Variants in TEX14 observed in about 807,000 individuals in gnomAD.
The protein encoded by TEX14 is inactive serine/threonine-protein kinase TEX14.
A neutral mutation model predicts 178.6 loss-of-function variants in TEX14; 168 were observed. That is an observed-to-expected ratio of 0.94 (90% CI 0.83 to 1.07). TEX14 has a LOEUF of 1.07. Ranked by LOEUF, TEX14 falls within the 50% of genes least tolerant of loss-of-function variation. The pLI is 0.00. For missense variants in TEX14, 1,730 were observed against 1,753.6 expected (o/e 0.99, Z 0.24); for synonymous variants, 626 against 634.1 (o/e 0.99, Z 0.19).
intron 1 of TEX14, among the ~76,000 whole-genome samples, chr17:58,663,907 G>T (rs532567235): frequency 1.3e-5 from 2 of 152,326 alleles, no homozygotes; most frequent in South Asian, 4.1e-4. Context: ...GCCAGGGGCA[G>T]TGGCTCATGC....
intron 1 of TEX14, among the ~76,000 whole-genome samples, chr17:58,691,419 A>G (rs2047717621): frequency 6.6e-6 from 1 of 151,928 alleles, no homozygotes; most frequent in Admixed American, 6.6e-5. Context: ...CTGTACTCCC[A>G]GCATTTTGGG....
At chr17:58,583,938 G>A (rs182155874) in intron 19 of TEX14, among the ~76,000 whole-genome samples, 71 of 152,258 alleles carry the variant, frequency 4.7e-4, no homozygotes, top group Middle Eastern at 3.4e-3. Context: ...CCATGTCAAT[G>A]ACAATAAAAA....
chr17:58,661,524 C>G, intron 1 of TEX14: 1 of 778,456 alleles, frequency 1.3e-6, no homozygotes, highest in Admixed American at 1.7e-5. Context: ...TCGACTTCGT[C>G]CAGAAGCTGT....
At position 58,592,475 on chromosome 17, in the gene TEX14, T is replaced by C. The variant is rs931718072; in HGVS notation, c.2576+1080A>G. 1.6e-3 allele frequency among the ~76,000 whole-genome samples: 247 copies of C among 151,630 alleles called. 1 individual carries two copies. Among genetic ancestry groups the C allele is most frequent in the Non-Finnish European group, 3.8e-4 (26 of 67,868 alleles). ...TCAGCCTCCCGAGTAGCTGGGACTA[T>C]AGGCGCCCGCCACCACGCCCGGCTA... On this transcript the variant is annotated intron_variant, in intron 15 of 31. Coordinates refer to ENST00000349033, the MANE Select transcript of TEX14 (RefSeq NM_031272.5).
chr17:58,562,361 G>T (rs890567591), intron 28 of TEX14, among the ~76,000 whole-genome samples: 1 of 152,154 alleles, frequency 6.6e-6, no homozygotes, highest in African/African-American at 2.4e-5. Context: ...TTCCACTCTG[G>T]CTTGGTGCCT....
Position 58,605,149 on chromosome 17 carries a change from A to T in TEX14, c.1185-20T>A. ...TCCTCGCTACGGAAGGAAACTCACAAGTCAGCGCTCATGCCTTAAAGGGTC... is the reference window on the plus strand; with the variant it reads ...TCCTCGCTACGGAAGGAAACTCACATGTCAGCGCTCATGCCTTAAAGGGTC... On this transcript the variant is annotated intron_variant, in intron 10 of 31. Transcript: ENST00000349033. The T allele has an allele frequency of 6.2e-7, 1 of 1,611,980 alleles. No homozygotes were observed. The highest frequency in any genetic ancestry group is 8.5e-7 in the Non-Finnish European group (1 of 1,179,010).
intron 15 of TEX14, among the ~76,000 whole-genome samples, chr17:58,591,661 T>C (rs1192856878): frequency 3.3e-5 from 5 of 151,452 alleles, no homozygotes; most frequent in Admixed American, 2.6e-4. Flanking sequence ...AGTTTTTTTT[T>C]CCAGGAGAAC....
intron 1 of TEX14, among the ~76,000 whole-genome samples, chr17:58,676,207 C>G (rs577781754): frequency 1.3e-5 from 2 of 152,138 alleles, no homozygotes; most frequent in Non-Finnish European, 2.9e-5. Context: ...GAAACCCCAT[C>G]TCTACTAAAA....
intron 28 of TEX14, among the ~76,000 whole-genome samples, chr17:58,562,986 A>C (rs1598339820): frequency 1.3e-5 from 2 of 152,006 alleles, no homozygotes; most frequent in South Asian, 2.1e-4. Context: ...CAGGAGGATC[A>C]CTTGAGCCCA....
chr17:58,683,839 G>A (rs1446046097), intron 1 of TEX14, among the ~76,000 whole-genome samples: 2 of 151,688 alleles, frequency 1.3e-5, no homozygotes, highest in Non-Finnish European at 2.9e-5. Context: ...GGCTGAGGCG[G>A]GCGGATCACA....
At chr17:58,614,359 G>A (rs1450482584) in intron 8 of TEX14, among the ~76,000 whole-genome samples, 11 of 152,254 alleles carry the variant, frequency 7.2e-5, no homozygotes, top group African/African-American at 2.4e-4. Flanking sequence ...GTGTAGTGGC[G>A]CACGCCAGTA....
intron 6 of TEX14, among the ~76,000 whole-genome samples, chr17:58,617,147 C>T (rs999152518): frequency 2.0e-5 from 3 of 152,100 alleles, no homozygotes; most frequent in African/African-American, 7.2e-5. Flanking sequence ...ACTTGGAAGG[C>T]TGAGGCATCA....
chr17:58,650,984 A>C (rs1319057786), intron 2 of TEX14, among the ~76,000 whole-genome samples: 1 of 152,210 alleles, frequency 6.6e-6, no homozygotes, highest in African/African-American at 2.4e-5. Context: ...GCTTACACTG[A>C]AAATAGCAGG....
At chr17:58,683,418 T>A (rs1013996261) in intron 1 of TEX14, among the ~76,000 whole-genome samples, 2 of 149,938 alleles carry the variant, frequency 1.3e-5, no homozygotes, top group African/African-American at 5.0e-5. Flanking sequence ...AATACTAACA[T>A]AAGTAAACAT....
chr17:58,592,751 C>A (rs1023826509), intron 15 of TEX14, among the ~76,000 whole-genome samples: 1 of 151,846 alleles, frequency 6.6e-6, no homozygotes, highest in East Asian at 1.9e-4. Flanking sequence ...GTTGGCCAGG[C>A]TGCTCTCGAA....
intron 6 of TEX14, 80 bp from the exon 7 acceptor site, chr17:58,616,385 A>C: frequency 6.5e-7 from 1 of 1,538,060 alleles, no homozygotes; most frequent in Non-Finnish European, 8.7e-7. Flanking sequence ...CAGCCAGCTA[A>C]AAGAATGAGA....
At chr17:58,633,615 A>G (rs1191988297) in intron 2 of TEX14, among the ~76,000 whole-genome samples, 1 of 152,094 alleles carries the variant, frequency 6.6e-6, no homozygotes, top group African/African-American at 2.4e-5. Flanking sequence ...ACTTGAGGTC[A>G]GGAGTTTGAG....
intron 6 of TEX14, 88 bp downstream of exon 6, chr17:58,617,450 A>G (rs2045898457): frequency 1.1e-6 from 1 of 902,560 alleles, no homozygotes; most frequent in East Asian, 2.4e-5. Flanking sequence ...GAGGATAAGG[A>G]GGCAGGAGTT....
chr17:58,631,740 C>A (rs1034593813), intron 2 of TEX14: 1 of 144,056 alleles, frequency 6.9e-6, no homozygotes. Flanking sequence ...CGTGAGAGAA[C>A]ACAAATATCT....
Sources: allele counts gnomAD v4.1 joint callset (sites outside exome capture counted in the v4.1 genomes callset), GRCh38; gene constraint gnomAD v4.1.1; transcripts MANE v1.5; gene names NCBI Gene and HGNC (gene_info 2026-07-23, HGNC 2026-07-21).